RAPGEF4: variants seen among roughly 807,000 people sequenced by gnomAD.
RAPGEF4 encodes the protein Rap guanine nucleotide exchange factor 4.
In RAPGEF4, 66 loss-of-function variants were observed where a neutral mutation model predicts 147.9. The observed-to-expected ratio is 0.45, with a 90% CI of 0.37 to 0.55. RAPGEF4 has a LOEUF of 0.55. Ranked by LOEUF, RAPGEF4 falls within the 20% of genes least tolerant of loss-of-function variation. The pLI, the probability that RAPGEF4 is intolerant of heterozygous loss-of-function variation, is 0.00. For synonymous variants in RAPGEF4, 419 were observed against 442.7 expected, an observed-to-expected ratio of 0.95 and a Z score of 0.67; for missense variants, 1,071 against 1,257.3, an observed-to-expected ratio of 0.85 and a Z score of 2.24.
At chr2:172,877,383 G>A (rs1274514093) in intron 4 of RAPGEF4, among the ~76,000 whole-genome samples, 1 of 152,072 alleles carries the variant, frequency 6.6e-6, no homozygotes, top group Non-Finnish European at 1.5e-5. Flanking sequence ...GGGGGACCAG[G>A]GGAGGGATAG....
chr2:172,919,600 T>A (rs1684496600), intron 5 of RAPGEF4, among the ~76,000 whole-genome samples: 1 of 152,096 alleles, frequency 6.6e-6, no homozygotes, highest in South Asian at 2.1e-4. Flanking sequence ...CACTCTCCCC[T>A]CTTCCATGGC....
intron 4 of RAPGEF4, among the ~76,000 whole-genome samples, chr2:172,839,693 T>C (rs922757955): frequency 2.6e-5 from 4 of 151,452 alleles, no homozygotes; most frequent in African/African-American, 7.4e-5. Context: ...AGCCTCCTTT[T>C]ACCCAGTTCC....
At chr2:172,935,154 G>A (rs1362096266) in intron 6 of RAPGEF4, among the ~76,000 whole-genome samples, 1 of 152,180 alleles carries the variant, frequency 6.6e-6, no homozygotes, top group East Asian at 1.9e-4. Context: ...TCCAGCCTGG[G>A]TGACAGAGCC....
At chr2:173,044,283 G>T (rs943732523) in intron 29 of RAPGEF4, among the ~76,000 whole-genome samples, 1 of 150,234 alleles carries the variant, frequency 6.7e-6, no homozygotes, top group Non-Finnish European at 1.5e-5. Flanking sequence ...GCGGGAGGGG[G>T]GGTGAGTATT....
chr2:172,867,170 GC>G (rs1441119766), intron 4 of RAPGEF4, among the ~76,000 whole-genome samples: 1 of 151,942 alleles, frequency 6.6e-6, no homozygotes, highest in Non-Finnish European at 1.5e-5. Context: ...ATGGGGTTTT[GC>G]CATGTTGGCC....
chr2:173,050,271 T>C (rs958553136), intron 30 of RAPGEF4, among the ~76,000 whole-genome samples: 3 of 152,204 alleles, frequency 2.0e-5, no homozygotes. Context: ...AATTACAGTA[T>C]ATTGTACGTG....
At chr2:172,765,862 A>G (rs1317339906) in intron 1 of RAPGEF4, among the ~76,000 whole-genome samples, 3 of 152,344 alleles carry the variant, frequency 2.0e-5, no homozygotes, top group South Asian at 2.1e-4. Context: ...GAGAATCTGC[A>G]TATTGCAAAG....
intron 3 of RAPGEF4, among the ~76,000 whole-genome samples, chr2:172,812,497 A>G (rs1303132163): frequency 6.6e-6 from 1 of 152,240 alleles, no homozygotes; most frequent in Non-Finnish European, 1.5e-5. Context: ...GGCGAAAGAC[A>G]GGCTCACGTG....
intron 17 of RAPGEF4, among the ~76,000 whole-genome samples, chr2:173,007,829 T>C (rs573519889): frequency 1.3e-5 from 2 of 152,260 alleles, no homozygotes; most frequent in African/African-American, 2.4e-5. Flanking sequence ...GCCCAGATTA[T>C]AGTAAAAAAA....
intron 25 of RAPGEF4, among the ~76,000 whole-genome samples, chr2:173,027,587 T>C (rs540896200): frequency 6.6e-6 from 1 of 152,326 alleles, no homozygotes; most frequent in East Asian, 1.9e-4. Context: ...CTTCGAAAGT[T>C]CAGTTGAAAA....
intron 23 of RAPGEF4, among the ~76,000 whole-genome samples, chr2:173,025,142 CCCTTTATA>C (rs1696539816): frequency 6.6e-6 from 1 of 152,208 alleles, no homozygotes; most frequent in African/African-American, 2.4e-5. Flanking sequence ...TTGCTTCTGT[CCCTTTATA>C]CCTGCAAATA....
At chr2:172,983,065 T>G (rs953046844) in intron 10 of RAPGEF4, among the ~76,000 whole-genome samples, 2 of 152,346 alleles carry the variant, frequency 1.3e-5, no homozygotes. Context: ...TAGGCTAAGA[T>G]AGTACACAGG....
chr2:172,980,088 T>C (rs184053257), intron 10 of RAPGEF4, among the ~76,000 whole-genome samples: 1 of 152,070 alleles, frequency 6.6e-6, no homozygotes, highest in Non-Finnish European at 1.5e-5. Context: ...GAGAAGAGCA[T>C]GCAAAAAGTC....
chr2:172,905,631 G>A (rs1291593314), intron 4 of RAPGEF4, among the ~76,000 whole-genome samples: 1 of 152,166 alleles, frequency 6.6e-6, no homozygotes, highest in African/African-American at 2.4e-5. Context: ...TTAGTCAGGG[G>A]CTCTTATGTG....
chr2:172,809,118 T>A (rs745593390), intron 3 of RAPGEF4, among the ~76,000 whole-genome samples: 10 of 151,886 alleles, frequency 6.6e-5, no homozygotes, highest in Non-Finnish European at 1.3e-4. Flanking sequence ...AGGTGGGAAA[T>A]ATCTCGAGGG....
chr2:172,988,374 T>C, intron 13 of RAPGEF4, 102 bp downstream of exon 13: 1 of 1,474,106 alleles, frequency 6.8e-7, no homozygotes, highest in Non-Finnish European at 8.9e-7. Flanking sequence ...GCAACAACAT[T>C]GCTCCTAGAT....
chr2:172,884,823 CTT>C (rs1282682627), intron 4 of RAPGEF4, among the ~76,000 whole-genome samples: 1 of 152,154 alleles, frequency 6.6e-6, no homozygotes, highest in East Asian at 1.9e-4. Context: ...AGAGTTTTGT[CTT>C]TGATCATAAA....
chr2:173,007,040 A>G (rs183757198), intron 17 of RAPGEF4, among the ~76,000 whole-genome samples: 20 of 152,328 alleles, frequency 1.3e-4, no homozygotes, highest in African/African-American at 4.8e-4. Flanking sequence ...TATTTCATAT[A>G]CATGTTCTCG....
intron 17 of RAPGEF4, among the ~76,000 whole-genome samples, chr2:173,013,256 C>T (rs1695190310): frequency 6.6e-6 from 1 of 152,154 alleles, no homozygotes; most frequent in Admixed American, 6.5e-5. Context: ...GAAGCTAAGA[C>T]AGGGCCAGTC....
Sources: gnomAD v4.1 joint callset for allele counts (sites outside exome capture counted in the v4.1 genomes callset) on GRCh38, gnomAD v4.1.1 for gene constraint, MANE v1.5 for transcripts, NCBI Gene and HGNC (gene_info 2026-07-23, HGNC 2026-07-21) for gene names.